The following NLGN4X variants were observed in gnomAD, a reference collection of about 807,000 sequenced individuals.
The protein encoded by NLGN4X is neuroligin-4, X-linked.
In NLGN4X, 3 loss-of-function variants were observed where a neutral mutation model predicts 40.3. The ratio of observed to expected loss-of-function variants is 0.07; its 90% CI spans 0.03 to 0.19. The LOEUF is 0.19. Among genes scored for constraint, NLGN4X ranks in the 10% least tolerant of loss-of-function variants. NLGN4X has a pLI of 1.00. For missense variants in NLGN4X, 382 were observed against 708.3 expected (o/e 0.54, Z 5.23); for synonymous variants, 270 against 306.8 (o/e 0.88, Z 1.25).
intron 2 of NLGN4X, among the ~76,000 whole-genome samples, chrX:6,135,740 T>G (rs1173696604): frequency 9.0e-6 from 1 of 111,520 alleles, no homozygotes. Context: ...GATGACATAC[T>G]AGGAAATGCT....
chrX:6,064,950 A>G (rs777240813), intron 2 of NLGN4X, among the ~76,000 whole-genome samples: 1 of 111,562 alleles, frequency 9.0e-6, no homozygotes, highest in African/African-American at 3.3e-5. Context: ...GAACAAAATC[A>G]TGTTCTTTGA....
At chrX:6,140,167 A>C (rs1197626475) in intron 2 of NLGN4X, among the ~76,000 whole-genome samples, 1 of 111,495 alleles carries the variant, frequency 9.0e-6, no homozygotes, top group Non-Finnish European at 1.9e-5. Flanking sequence ...AACCCACCAC[A>C]AGAGCTCCTT....
intron 3 of NLGN4X, among the ~76,000 whole-genome samples, chrX:5,919,427 G>A (rs2032940263): frequency 8.9e-6 from 1 of 111,738 alleles, no homozygotes; most frequent in African/African-American, 3.3e-5. Context: ...TACTGCATAA[G>A]GTAGGATGTG....
chrX:5,894,794 A>T (rs193229752), intron 5 of NLGN4X, among the ~76,000 whole-genome samples: 1,655 of 112,098 alleles, frequency 0.015, 30 homozygotes, highest in African/African-American at 0.05. Context: ...AAAAACAATT[A>T]CGTCTTAAGG....
chrX:6,153,746 C>A (rs2040208090), intron 1 of NLGN4X, among the ~76,000 whole-genome samples: 1 of 112,122 alleles, frequency 8.9e-6, no homozygotes, highest in Admixed American at 9.5e-5. Flanking sequence ...ACCTTAAATT[C>A]TCAAACTCAA....
intron 3 of NLGN4X, among the ~76,000 whole-genome samples, chrX:5,921,128 ATT>A (rs200882477): frequency 2.0e-4 from 14 of 68,854 alleles, no homozygotes; most frequent in African/African-American, 1.0e-3. Context: ...TATGGTAAGT[ATT>A]TTTTATATAT....
At chrX:6,037,300 T>C (rs2037039696) in intron 2 of NLGN4X, among the ~76,000 whole-genome samples, 3 of 102,803 alleles carry the variant, frequency 2.9e-5, no homozygotes, top group Non-Finnish European at 5.8e-5. Flanking sequence ...AGCCAGACCT[T>C]ATCACAAAAA....
chrX:6,050,802 TCTATCTAA>T (rs973013768), intron 2 of NLGN4X, among the ~76,000 whole-genome samples: 1 of 111,185 alleles, frequency 9.0e-6, no homozygotes, highest in African/African-American at 3.3e-5. Context: ...TATCTATCTA[TCTATCTAA>T]CTATCTATAT....
chrX:6,134,581 C>T (rs1484951412), intron 2 of NLGN4X, among the ~76,000 whole-genome samples: 3 of 112,123 alleles, frequency 2.7e-5, no homozygotes, highest in Non-Finnish European at 3.8e-5. Context: ...AGTGGCCTGA[C>T]AATTAGAATA....
chrX:5,927,964 G>T (rs1921362), intron 3 of NLGN4X, among the ~76,000 whole-genome samples: 1 of 111,963 alleles, frequency 8.9e-6, no homozygotes, highest in Non-Finnish European at 1.9e-5. Flanking sequence ...CCAGTATATG[G>T]TTAATATTTG....
intron 3 of NLGN4X, among the ~76,000 whole-genome samples, chrX:5,986,864 T>C (rs1451336168): frequency 1.8e-5 from 2 of 111,728 alleles, no homozygotes; most frequent in African/African-American, 6.5e-5. Flanking sequence ...TACTGCCACA[T>C]GTTGAAGATT....
chrX:5,987,038 G>A (rs957907944), intron 3 of NLGN4X, among the ~76,000 whole-genome samples: 4 of 111,385 alleles, frequency 3.6e-5, no homozygotes, highest in South Asian at 3.8e-4. Flanking sequence ...TTAATAACAC[G>A]AATTTATAAT....
At chrX:5,901,161 A>T (rs2031839278) in intron 5 of NLGN4X, among the ~76,000 whole-genome samples, 1 of 111,318 alleles carries the variant, frequency 9.0e-6, no homozygotes. Context: ...AGGGCACAAA[A>T]CATTCTCAAA....
At chrX:6,167,796 G>C (rs1569277724) in intron 1 of NLGN4X, among the ~76,000 whole-genome samples, 1 of 112,023 alleles carries the variant, frequency 8.9e-6, no homozygotes, top group Non-Finnish European at 1.9e-5. Context: ...TTCACAGCAA[G>C]TGGCAAAATC....
chrX:6,128,059 C>G (rs1363576311), intron 2 of NLGN4X, among the ~76,000 whole-genome samples: 1 of 111,152 alleles, frequency 9.0e-6, no homozygotes, highest in East Asian at 2.9e-4. Context: ...GTCTCAGCCT[C>G]TTGGGTAGCA....
chrX:6,154,401 C>T (rs749489694), intron 1 of NLGN4X, among the ~76,000 whole-genome samples: 2 of 110,535 alleles, frequency 1.8e-5, no homozygotes, highest in Admixed American at 9.7e-5. Context: ...TTTAGCATTA[C>T]AAGAAATGTT....
At chrX:5,973,118 A>T (rs970355485) in intron 3 of NLGN4X, among the ~76,000 whole-genome samples, 1 of 112,806 alleles carries the variant, frequency 8.9e-6, no homozygotes, top group Non-Finnish European at 1.9e-5. Flanking sequence ...ACAGATGAAC[A>T]GCCTAACTCA....
At chrX:6,033,526 T>A (rs1251016092) in intron 2 of NLGN4X, among the ~76,000 whole-genome samples, 1 of 112,193 alleles carries the variant, frequency 8.9e-6, no homozygotes, top group Non-Finnish European at 1.9e-5. Context: ...TTATGCCCTC[T>A]GTGTGTAAAA....
intron 1 of NLGN4X, among the ~76,000 whole-genome samples, chrX:6,168,771 C>G (rs2040548089): frequency 9.0e-6 from 1 of 111,593 alleles, no homozygotes; most frequent in Middle Eastern, 4.2e-3. Context: ...TGCACCTGTC[C>G]TTTTTATTTT....
Sources: allele counts gnomAD v4.1 joint callset (sites outside exome capture counted in the v4.1 genomes callset), GRCh38; gene constraint gnomAD v4.1.1; transcripts MANE v1.5; gene names NCBI Gene and HGNC (gene_info 2026-07-23, HGNC 2026-07-21).